The following GUCY2D variants were observed in gnomAD, a reference collection of about 807,000 sequenced individuals.
GUCY2D encodes the protein guanylate cyclase 2D, retinal.
GUCY2D carries 70 observed loss-of-function variants against 101.3 expected under a neutral mutation model. The ratio of observed to expected loss-of-function variants is 0.69; its 90% CI spans 0.57 to 0.84. The LOEUF (loss-of-function observed/expected upper bound fraction) is 0.84, where lower values mean the gene tolerates loss of function less well. Among genes scored for constraint, GUCY2D ranks in the 40% least tolerant of loss-of-function variants. The pLI, the probability that GUCY2D is intolerant of heterozygous loss-of-function variation, is 0.00. For synonymous variants in GUCY2D, 688 were observed against 670.7 expected, an observed-to-expected ratio of 1.03 and a Z score of -0.40; for missense variants, 1,460 against 1,542.5, an observed-to-expected ratio of 0.95 and a Z score of 0.90.
At chr17:8,017,316 G>T (rs11655691) in intron 19 of GUCY2D, among the ~76,000 whole-genome samples, 19,547 of 152,140 alleles carry the variant, frequency 0.13, 1,580 homozygotes, top group East Asian at 0.32. Flanking sequence ...AGCAGGGGAT[G>T]TGAGGGTCAG....
At position 8,013,506 on chromosome 17, in the gene GUCY2D, A is replaced by G. The variant is rs1285107584; in HGVS notation, c.2263+254A>G. ...TGGAACCAAACTGTTTCCACAACTG[A>G]CAGAACAGACTCCTCTCTGTTCTCA... On this transcript the variant is annotated intron_variant, in intron 11 of 19. Coordinates refer to ENST00000254854, the MANE Select transcript of GUCY2D (RefSeq NM_000180.4). The surrounding 1 kb of genome is among the most constrained non-coding windows in gnomAD (Gnocchi z 5.0). The G allele has an allele frequency of 5.1e-6, 3 of 587,908 alleles. No individual in the cohort carries two copies. Among genetic ancestry groups the G allele is most frequent in the East Asian group, 5.8e-5 (2 of 34,412 alleles). The allele number at this position is 587,908 out of a possible 1,614,324, so 36.4% of individuals were successfully genotyped here. A position where few individuals can be genotyped will look rare whatever the true frequency, so the allele number is the denominator to read the frequency against.
chr17:8,010,633 C>A (rs926065305), intron 8 of GUCY2D, among the ~76,000 whole-genome samples: 1 of 151,674 alleles, frequency 6.6e-6, no homozygotes, highest in African/African-American at 2.4e-5. Context: ...GGTGAAACCC[C>A]GTCTCTACTA....
Position 8,013,428 on chromosome 17 carries a change from G to A in GUCY2D, c.2263+176G>A, listed in dbSNP as rs972120529. ...CAGAAAGCCGTGCATGGCCAGGGTG[G>A]GGAGCGTGGTTCATTAGGTCCCAGA... On this transcript the variant is annotated intron_variant, in intron 11 of 19. Coordinates refer to ENST00000254854, the MANE Select transcript of GUCY2D (RefSeq NM_000180.4). This position sits in a 1 kb window ranked among gnomAD's most constrained non-coding sequence, Gnocchi z 5.0. 1.9e-5 allele frequency: 13 copies of A among 692,822 alleles called. No homozygotes were observed. The East Asian group carries it at 3.3e-4, about 18-fold the overall frequency. The allele number at this position is 692,822 out of a possible 1,614,324, so 42.9% of individuals were successfully genotyped here.
In GUCY2D at chr17:8,012,517, A is replaced by T; in HGVS notation, c.2024A>T (p.Asp675Val). Residue 675 changes from aspartate to valine, a missense_variant, in exon 10 of 20, where the codon GAT (aspartate) becomes GTT (valine). This residue lies in a region of GUCY2D where 1,196 missense variants were observed against 1,229.6 expected (regional missense o/e 0.97). Transcript: ENST00000254854. ...GRLKSRNCIV[D>V]GRFVLKITDH... ...CTGAAGTCACGGAACTGCATAGTGG[A>T]TGGCAGATTCGTACTCAAGATCACT... 6.2e-7 allele frequency: 1 copy of T among 1,613,804 alleles called. No homozygotes were observed. Among genetic ancestry groups the T allele is most frequent in the Non-Finnish European group, 8.5e-7 (1 of 1,179,762 alleles).
At chr17:8,010,520 A>G (rs1199227855) in intron 8 of GUCY2D, among the ~76,000 whole-genome samples, 1 of 152,130 alleles carries the variant, frequency 6.6e-6, no homozygotes, top group Non-Finnish European at 1.5e-5. Flanking sequence ...TTTAAAATGA[A>G]AAGTATCTGG....
chr17:8,015,742 G>A lies in GUCY2D; in HGVS notation c.2945-1G>A. ...CCCGCCGACCCCCAGCATCTCCACA[G>A]GTCCATGCGTGGCAGGCGTGGTGGG... is the stretch of plus-strand genomic sequence containing the variant. On this transcript the variant is annotated splice_acceptor_variant, in intron 15 of 19. Transcript: ENST00000254854. LOFTEE classifies it high-confidence loss of function. The A allele has an allele frequency of 1.2e-6, 2 of 1,605,944 alleles. No individual in the cohort carries two copies. Among genetic ancestry groups the A allele is most frequent in the Non-Finnish European group, 1.7e-6 (2 of 1,176,198 alleles).
In GUCY2D at chr17:8,013,278, C is replaced by T. The variant is rs200032594; in HGVS notation, c.2263+26C>T. 155 of 1,611,652 alleles carry T rather than the reference C, an allele frequency of 9.6e-5. No individual in the cohort carries two copies. In the African/African-American group the frequency reaches 1.3e-3, roughly 14 times the overall value. Reference sequence around the variant, plus strand: ...GTAAGGCTGCCCTGTGCGTGGAGTTCGGCCCACAGGGGCACCCTGCAGTTA... The same window carrying T: ...GTAAGGCTGCCCTGTGCGTGGAGTTTGGCCCACAGGGGCACCCTGCAGTTA... On this transcript the variant is annotated intron_variant, in intron 11 of 19. Coordinates refer to ENST00000254854, the MANE Select transcript of GUCY2D (RefSeq NM_000180.4). This position sits in a 1 kb window ranked among gnomAD's most constrained non-coding sequence, Gnocchi z 5.0.
At position 8,002,867 on chromosome 17, in the gene GUCY2D, G is replaced by A; in HGVS notation, c.-10+133G>A. On this transcript the variant is annotated intron_variant, in intron 1 of 19. Coordinates refer to ENST00000254854, the MANE Select transcript of GUCY2D (RefSeq NM_000180.4). This position sits in a 1 kb window ranked among gnomAD's most constrained non-coding sequence, Gnocchi z 4.9. ...GCGGGAAGCCGGGGCGGCAGAAGGGGGCTTCGGGGCGGTGTCCTTGGCCCC... is the reference window on the plus strand; with the variant it reads ...GCGGGAAGCCGGGGCGGCAGAAGGGAGCTTCGGGGCGGTGTCCTTGGCCCC... The A allele has an allele frequency of 1.8e-6, 1 of 555,442 alleles. No individual in the cohort carries two copies. Among genetic ancestry groups the A allele is most frequent in the Non-Finnish European group, 3.1e-6 (1 of 323,236 alleles). 34.4% of individuals were successfully genotyped at this position (555,442 alleles called of 1,614,324 possible).
At chr17:8,008,593 A>G (rs73237655) in intron 7 of GUCY2D, among the ~76,000 whole-genome samples, 7,991 of 152,276 alleles carry the variant, frequency 0.052, 634 homozygotes, top group African/African-American at 0.17. Context: ...GTAGAAATTT[A>G]GAGCTCCTGG....
intron 19 of GUCY2D, among the ~76,000 whole-genome samples, chr17:8,017,041 G>A (rs1015546925): frequency 6.6e-6 from 1 of 152,178 alleles, no homozygotes; most frequent in African/African-American, 2.4e-5. Flanking sequence ...TGTTCTGGAA[G>A]GTCCTTTTCC....
At chr17:8,007,218 T>C (rs1401866815) in intron 5 of GUCY2D, 74 bp downstream of exon 5, 15 of 1,202,156 alleles carry the variant, frequency 1.2e-5, no homozygotes, top group Admixed American at 1.2e-4. Context: ...AACAGCAGGC[T>C]GGGTTCACTC....
intron 7 of GUCY2D, among the ~76,000 whole-genome samples, chr17:8,008,444 C>G (rs565683921): frequency 6.6e-6 from 1 of 152,242 alleles, no homozygotes; most frequent in Non-Finnish European, 1.5e-5. Flanking sequence ...GAATAGCAAC[C>G]CCTAGAGGGG....
Position 8,012,269 on chromosome 17 carries a change from C to G in GUCY2D, c.1875C>G (p.Gly625=), listed in dbSNP as rs748202022. The change falls in exon 9 of 20, where the codon GGC becomes GGG. Residue 625 remains glycine (G), a synonymous_variant. Transcript: ENST00000254854. ...LAVVSEHCTR[G]SLQDLLAQRE... is the part of the protein sequence containing the mutation. The stretch of plus-strand genomic sequence containing the variant: ...TGGTCTCAGAGCACTGCACGCGGGG[C>G]TCTCTTCAGGACCTCCTCGCTCAGA... The G allele has an allele frequency of 7.4e-6, 12 of 1,614,004 alleles. No homozygotes were observed. The highest frequency in any genetic ancestry group is 1.1e-5 in the South Asian group (1 of 91,078).
rs61750196 is a variant in GUCY2D, at chr17:8,016,270, AC to A, written c.3206del (p.Pro1069ArgfsTer38). On this transcript the variant is annotated frameshift_variant, in exon 18 of 20. Transcript: ENST00000254854. LOFTEE classifies it high-confidence loss of function. ...RRGFNKPIPK[P>X]PDLQPGSSNH... ...GCGGCTTCAACAAGCCCATCCCCAA[AC>A]CGCCTGACCTGCAACCGGGGTGAGG... 6 of 1,576,244 alleles carry A rather than the reference AC, an allele frequency of 3.8e-6. 1 individual carries two copies. The highest frequency in any genetic ancestry group is 5.2e-6 in the Non-Finnish European group (6 of 1,160,846).
rs776470314 is a variant in GUCY2D at position 8,003,619 on chromosome 17, A to G, written c.572A>G (p.Gln191Arg). Residue 191 changes from glutamine to arginine, a missense_variant, in exon 2 of 20, where the codon CAG becomes CGG. Physicochemically the swap from Gln to Arg is conservative, Grantham distance 43. Around this residue, in one of 3 missense-constraint regions of GUCY2D, gnomAD observed 1,196 missense variants for 1,229.6 expected, o/e 0.97. Transcript: ENST00000254854. ...CGCGTGGCCCTGGTCACCGCCCCCC[A>G]GGACCTGTGGGTGGAGGCGGGACGC... Reference protein sequence around the residue: ...WARVALVTAPQDLWVEAGRSL... With the variant: ...WARVALVTAPRDLWVEAGRSL... The G allele has an allele frequency of 1.3e-6, 2 of 1,592,432 alleles. No individual in the cohort carries two copies. The highest frequency in any genetic ancestry group is 8.5e-7 in the Non-Finnish European group (1 of 1,176,042).
In GUCY2D at chr17:8,015,732, C is replaced by A. The variant is rs1164106802; in HGVS notation, c.2945-11C>A. 1.3e-6 allele frequency: 2 copies of A among 1,592,268 alleles called. No individual in the cohort carries two copies. Among genetic ancestry groups the A allele is most frequent in the East Asian group, 4.6e-5 (2 of 43,880 alleles). Reference sequence around the variant, plus strand: ...CCCTGCTAGCCCCGCCGACCCCCAGCATCTCCACAGGTCCATGCGTGGCAG... The same window carrying A: ...CCCTGCTAGCCCCGCCGACCCCCAGAATCTCCACAGGTCCATGCGTGGCAG... On this transcript the variant is annotated splice_polypyrimidine_tract_variant and intron_variant, in intron 15 of 19. Transcript: ENST00000254854.
Position 8,007,153 on chromosome 17 carries a change from T to C in GUCY2D, c.1463+9T>C. On this transcript the variant is annotated intron_variant, in intron 5 of 19. Transcript: ENST00000254854. The stretch of plus-strand genomic sequence containing the variant: ...CTGGCCCATTATGTGAGGTGAGTAG[T>C]GGAATGAGGTAAGTAGGAAGTGAGC... 1 of 1,586,110 alleles carries C rather than the reference T, an allele frequency of 6.3e-7. No homozygotes were observed. Among genetic ancestry groups the C allele is most frequent in the African/African-American group, 1.3e-5 (1 of 74,410 alleles).
Position 8,006,654 on chromosome 17 carries a change from G to A in GUCY2D, c.1318G>A (p.Gly440Arg), listed in dbSNP as rs750895890. The A allele has an allele frequency of 5.0e-6, 8 of 1,612,570 alleles. No individual in the cohort carries two copies. The South Asian group carries it at 8.8e-5, about 18-fold the overall frequency. Residue 440 changes from glycine to arginine, a missense_variant, in exon 4 of 20, where the codon GGA becomes AGA. Transcript: ENST00000254854. ...TACCCGGATGCACTTCCCGCGTGGG[G>A]GATCAGCACCCGGACCTGACCCCTC... is the stretch of plus-strand genomic sequence containing the variant. ...AGTRMHFPRGGSAPGPDPSCW... is the reference protein window; with the variant it reads ...AGTRMHFPRGRSAPGPDPSCW...
rs1240523035 is a variant in GUCY2D at position 8,013,248 on chromosome 17, C to T, written c.2259C>T (p.Pro753=). The T allele has an allele frequency of 3.3e-5, 53 of 1,613,864 alleles. No homozygotes were observed. The highest frequency in any genetic ancestry group is 5.5e-5 in the South Asian group (5 of 91,068). The change falls in exon 11 of 20, where the codon CCC becomes CCT. Residue 753 remains proline, a synonymous_variant. Transcript: ENST00000254854. The surrounding 1 kb of genome is among the most constrained non-coding windows in gnomAD (Gnocchi z 5.0). ...SAPYAMLELT[P]EEVVQRVRSP... Reference sequence around the variant, plus strand: ...CTTATGCCATGCTGGAGCTCACTCCCGAGGGTAAGGCTGCCCTGTGCGTGG... The same window carrying T: ...CTTATGCCATGCTGGAGCTCACTCCTGAGGGTAAGGCTGCCCTGTGCGTGG...
Sources: gnomAD v4.1 joint callset for allele counts (sites outside exome capture counted in the v4.1 genomes callset) on GRCh38, gnomAD v4.1.1 for gene constraint, gnomAD v4.1.1 regional missense constraint, Gnocchi (gnomAD v3.1) non-coding constraint, MANE v1.5 for transcripts, NCBI Gene and HGNC (gene_info 2026-07-23, HGNC 2026-07-21) for gene names.